AMPH: variants seen among roughly 807,000 people sequenced by gnomAD.
AMPH encodes the protein amphiphysin (Stiff-Mann syndrome with breast cancer 128kD autoantigen).
A neutral mutation model predicts 99.1 loss-of-function variants in AMPH; 49 were observed. The ratio of observed to expected loss-of-function variants is 0.49; its 90% CI spans 0.39 to 0.63. The LOEUF is 0.63. Among genes scored for constraint, AMPH ranks in the 20% least tolerant of loss-of-function variants. The pLI is 0.00. For missense variants in AMPH, 759 were observed against 863.4 expected (o/e 0.88, Z 1.52); for synonymous variants, 314 against 317.3 (o/e 0.99, Z 0.11).
chr7:38,450,145 C>A (rs1006877124), intron 11 of AMPH, among the ~76,000 whole-genome samples: 1 of 152,106 alleles, frequency 6.6e-6, no homozygotes, highest in Non-Finnish European at 1.5e-5. Context: ...ATTCCTATGG[C>A]GTGATAAGCA....
chr7:38,565,538 C>T (rs1791707435), intron 1 of AMPH, among the ~76,000 whole-genome samples: 1 of 152,158 alleles, frequency 6.6e-6, no homozygotes, highest in Non-Finnish European at 1.5e-5. Flanking sequence ...ATCCTAATCT[C>T]TTTTTATAAG....
intron 17 of AMPH, among the ~76,000 whole-genome samples, chr7:38,413,109 C>T (rs1318547758): frequency 2.6e-5 from 4 of 152,132 alleles, no homozygotes; most frequent in Non-Finnish European, 5.9e-5. Flanking sequence ...CTTTTCATGA[C>T]GATGATAACA....
At chr7:38,451,350 T>TTATATACACGTATATATATGTGTA in intron 11 of AMPH, among the ~76,000 whole-genome samples, 1 of 147,248 alleles carries the variant, frequency 6.8e-6, no homozygotes, top group Non-Finnish European at 1.5e-5. Context: ...CATATATACG[T>TTATATACACGTATATATATGTGTA]TATATACACG....
intron 1 of AMPH, among the ~76,000 whole-genome samples, chr7:38,558,365 A>G (rs1046851855): frequency 1.3e-5 from 2 of 152,120 alleles, no homozygotes; most frequent in African/African-American, 4.8e-5. Context: ...GCCAAAATCC[A>G]TTGCTTGGGA....
intron 17 of AMPH, among the ~76,000 whole-genome samples, chr7:38,407,048 C>A (rs868021262): frequency 1.7e-3 from 53 of 31,246 alleles, no homozygotes; most frequent in East Asian, 4.3e-3. Context: ...CTCTCTCTCT[C>A]TATATATATA....
chr7:38,535,385 A>G (rs1262322002), intron 1 of AMPH, among the ~76,000 whole-genome samples: 2 of 152,184 alleles, frequency 1.3e-5, no homozygotes, highest in African/African-American at 4.8e-5. Context: ...TTGGTACTCA[A>G]CTGCTTGTGA....
chr7:38,403,974 C>T (rs1458237303), intron 17 of AMPH, among the ~76,000 whole-genome samples: 1 of 152,182 alleles, frequency 6.6e-6, no homozygotes, highest in Non-Finnish European at 1.5e-5. Flanking sequence ...ACAGAGTGGG[C>T]AGCATGGTGG....
At chr7:38,628,832 A>G (rs767064210) in intron 1 of AMPH, among the ~76,000 whole-genome samples, 10 of 152,200 alleles carry the variant, frequency 6.6e-5, no homozygotes, top group Non-Finnish European at 1.2e-4. Flanking sequence ...GCCTTTCTCC[A>G]ATGAATCTTC....
At chr7:38,610,252 A>AGAAAGAAGGAAAG (rs1562859894) in intron 1 of AMPH, among the ~76,000 whole-genome samples, 2 of 14,164 alleles carry the variant, frequency 1.4e-4, no homozygotes, top group African/African-American at 1.3e-3. Context: ...AAAAAAAAAA[A>AGAAAGAAGGAAAG]AAAAAAAAAA....
chr7:38,606,517 A>T (rs1408690147), intron 1 of AMPH, among the ~76,000 whole-genome samples: 1 of 147,000 alleles, frequency 6.8e-6, no homozygotes, highest in Non-Finnish European at 1.5e-5. Flanking sequence ...TTCACTTAGC[A>T]TGTTTTCTAC....
intron 19 of AMPH, 107 bp downstream of exon 19, chr7:38,391,641 G>T: frequency 8.5e-7 from 1 of 1,175,996 alleles, no homozygotes; most frequent in Non-Finnish European, 1.2e-6. Context: ...GCAGTTCACA[G>T]AAATAATAAT....
At chr7:38,520,049 A>T (rs1324226187) in intron 2 of AMPH, among the ~76,000 whole-genome samples, 2 of 152,156 alleles carry the variant, frequency 1.3e-5, no homozygotes, top group Admixed American at 6.6e-5. Context: ...TGGCTATTAT[A>T]ACTCCTTTGC....
At chr7:38,404,933 G>T (rs934691260) in intron 17 of AMPH, among the ~76,000 whole-genome samples, 3 of 152,024 alleles carry the variant, frequency 2.0e-5, no homozygotes, top group African/African-American at 7.2e-5. Context: ...CAACACTAAA[G>T]AAAAAATCTT....
chr7:38,538,322 A>G (rs1407212396), intron 1 of AMPH, among the ~76,000 whole-genome samples: 1 of 152,242 alleles, frequency 6.6e-6, no homozygotes, highest in African/African-American at 2.4e-5. Flanking sequence ...AATCCTCTTC[A>G]TATTTACTAA....
chr7:38,437,638 A>AG (rs1450736694), intron 11 of AMPH, among the ~76,000 whole-genome samples: 4 of 141,614 alleles, frequency 2.8e-5, no homozygotes, highest in Non-Finnish European at 4.5e-5. Context: ...AAAAAAAAAA[A>AG]AAAAAGAAAA....
intron 15 of AMPH, among the ~76,000 whole-genome samples, chr7:38,423,178 T>C (rs1436604583): frequency 6.6e-6 from 1 of 152,218 alleles, no homozygotes; most frequent in Non-Finnish European, 1.5e-5. Flanking sequence ...GTGAATTCAA[T>C]CTCACTATAT....
chr7:38,545,783 C>A (rs572611807), intron 1 of AMPH, among the ~76,000 whole-genome samples: 1 of 152,274 alleles, frequency 6.6e-6, no homozygotes, highest in South Asian at 2.1e-4. Flanking sequence ...ATGCAATATG[C>A]CCCAACTGCC....
chr7:38,627,387 C>CAAAAAAAAAAAAAAAAAA (rs70977419), intron 1 of AMPH, among the ~76,000 whole-genome samples: 14 of 116,904 alleles, frequency 1.2e-4, no homozygotes, highest in Non-Finnish European at 1.9e-4. Context: ...ACTAAAAATA[C>CAAAAAAAAAAAAAAAAAA]AAAAAAAAAA....
intron 11 of AMPH, among the ~76,000 whole-genome samples, chr7:38,444,274 G>A (rs1351339567): frequency 1.3e-5 from 2 of 152,098 alleles, no homozygotes; most frequent in Non-Finnish European, 2.9e-5. Flanking sequence ...TTCAATATCT[G>A]TACTGCTTTG....
Sources: gnomAD v4.1 joint callset for allele counts (sites outside exome capture counted in the v4.1 genomes callset) on GRCh38, gnomAD v4.1.1 for gene constraint, MANE v1.5 for transcripts, NCBI Gene and HGNC (gene_info 2026-07-23, HGNC 2026-07-21) for gene names.